FIG4: variants seen among roughly 807,000 people sequenced by gnomAD.
The protein encoded by FIG4 is FIG4 phosphoinositide 5-phosphatase.
Under a neutral mutation model 118.6 loss-of-function variants are expected in FIG4, and 112 were observed. The ratio of observed to expected loss-of-function variants is 0.94; its 90% confidence interval spans 0.81 to 1.11. The LOEUF is 1.11. Ranked by LOEUF, FIG4 falls within the 50% of genes least tolerant of loss-of-function variation. The pLI, the probability that FIG4 is intolerant of heterozygous loss-of-function variation, is 0.00. For synonymous variants in FIG4, 369 were observed against 381.2 expected, an observed-to-expected ratio of 0.97 and a Z score of 0.37; for missense variants, 969 against 1,111.7, an observed-to-expected ratio of 0.87 and a Z score of 1.83.
intron 10 of FIG4, among the ~76,000 whole-genome samples, chr6:109,754,943 C>G (rs546956100): frequency 1.3e-5 from 2 of 152,066 alleles, no homozygotes; most frequent in Non-Finnish European, 2.9e-5. Context: ...TCCTTCAGTT[C>G]TGCTCTGATT....
chr6:109,773,646 T>A (rs1777532058), intron 15 of FIG4, among the ~76,000 whole-genome samples: 1 of 152,174 alleles, frequency 6.6e-6, no homozygotes, highest in African/African-American at 2.4e-5. Context: ...TCCACTGTTA[T>A]CTGGATGGCT....
At chr6:109,801,118 T>C (rs1037770945) in intron 22 of FIG4, among the ~76,000 whole-genome samples, 1 of 152,212 alleles carries the variant, frequency 6.6e-6, no homozygotes, top group African/African-American at 2.4e-5. Context: ...TTTTCTATGG[T>C]TCACCTATTC....
intron 1 of FIG4, among the ~76,000 whole-genome samples, chr6:109,713,388 G>T (rs889013970): frequency 2.6e-5 from 4 of 152,202 alleles, no homozygotes; most frequent in Non-Finnish European, 2.9e-5. Flanking sequence ...CAGGGCACTG[G>T]TAGGTGCAGG....
At chr6:109,701,917 A>G (rs540228922) in intron 1 of FIG4, among the ~76,000 whole-genome samples, 1 of 152,298 alleles carries the variant, frequency 6.6e-6, no homozygotes, top group South Asian at 2.1e-4. Context: ...TTGTTTCTAC[A>G]GAGGATTTGA....
chr6:109,792,629 T>A lies in FIG4; in HGVS notation c.2424T>A (p.Asp808Glu), dbSNP rs1778167307. ...AGCTATATGGAATTAACCTCTCAGA[T>A]GGCCTCTCAGAAGAAGATTTCTCCA... ...MKELYGINLS[D>E]GLSEEDFSIY... Residue 808 changes from aspartate (D) to glutamate (E), a missense_variant, in exon 21 of 23, where the codon GAT becomes GAA. Around this residue, in one of 3 missense-constraint regions of FIG4, gnomAD observed 330 missense variants for 348.1 expected, o/e 0.95. Transcript: ENST00000230124. 2 of 1,602,674 alleles carry A rather than the reference T, an allele frequency of 1.2e-6. No individual in the cohort carries two copies. The highest frequency in any genetic ancestry group is 1.7e-6 in the Non-Finnish European group (2 of 1,170,098).
At chr6:109,806,484 TGTG>T (rs757966810) in intron 22 of FIG4, among the ~76,000 whole-genome samples, 4 of 150,322 alleles carry the variant, frequency 2.7e-5, no homozygotes, top group Non-Finnish European at 5.9e-5. Flanking sequence ...CACACACGAG[TGTG>T]TGTGTGTGTG....
intron 15 of FIG4, among the ~76,000 whole-genome samples, chr6:109,769,069 TA>T (rs2128393120): frequency 6.6e-6 from 1 of 151,688 alleles, no homozygotes; most frequent in South Asian, 2.1e-4. Flanking sequence ...GTCCCTGTAA[TA>T]GGGGTCATTA....
intron 2 of FIG4, among the ~76,000 whole-genome samples, chr6:109,716,188 A>G (rs1408770681): frequency 6.6e-6 from 1 of 152,172 alleles, no homozygotes; most frequent in Non-Finnish European, 1.5e-5. Context: ...GATCCCTTAA[A>G]TCTCTGCATC....
chr6:109,811,889 A>C (rs1321154882), intron 22 of FIG4, among the ~76,000 whole-genome samples: 1 of 152,132 alleles, frequency 6.6e-6, no homozygotes, highest in Non-Finnish European at 1.5e-5. Flanking sequence ...GAGAACATAC[A>C]CAAAAGACCA....
Position 109,764,528 on chromosome 6 carries a change from G to A in FIG4, c.1435-485G>A, listed in dbSNP as rs545467369. Among the ~76,000 whole-genome samples the A allele has an allele frequency of 3.9e-5, 6 of 151,962 alleles. No homozygotes were observed. In the South Asian group the frequency reaches 1.2e-3, roughly 32 times the overall value. On this transcript the variant is annotated intron_variant, in intron 13 of 22. Coordinates refer to ENST00000230124, the MANE Select transcript of FIG4 (RefSeq NM_014845.6). ...ATATTAAATGTTATTACTGGAAATA[G>A]AAACACAAACAAGAACATGAAAAGA...
In FIG4 at chr6:109,701,915, A is replaced by G. The variant is rs574793344; in HGVS notation, c.66+10414A>G. 4.6e-5 allele frequency among the ~76,000 whole-genome samples: 7 copies of G among 152,282 alleles called. No homozygotes were observed. In the East Asian group the frequency reaches 5.8e-4, roughly 13 times the overall value. ...GGAGGTGACATTCACATTTGTTTCT[A>G]CAGAGGATTTGAAGCTTCCCCAGAG... is the stretch of plus-strand genomic sequence containing the variant. On this transcript the variant is annotated intron_variant, in intron 1 of 22. Coordinates refer to ENST00000230124, the MANE Select transcript of FIG4 (RefSeq NM_014845.6).
chr6:109,807,792 T>C (rs2128400035), intron 22 of FIG4, among the ~76,000 whole-genome samples: 1 of 152,316 alleles, frequency 6.6e-6, no homozygotes, highest in South Asian at 2.1e-4. Context: ...GTATAAGGTG[T>C]AAGGAAGGGG....
chr6:109,735,570 C>T (rs2128385734), intron 6 of FIG4, among the ~76,000 whole-genome samples: 1 of 152,198 alleles, frequency 6.6e-6, no homozygotes, highest in African/African-American at 2.4e-5. Flanking sequence ...CAAGCCTAGA[C>T]TTTTACATGG....
chr6:109,733,963 T>C (rs939812945), intron 5 of FIG4, among the ~76,000 whole-genome samples: 11 of 151,986 alleles, frequency 7.2e-5, no homozygotes, highest in Admixed American at 6.6e-4. Context: ...TAATATATTC[T>C]TAAGACTCTC....
intron 2 of FIG4, 84 bp downstream of exon 2, chr6:109,715,260 A>T (rs1583641686): frequency 2.8e-6 from 2 of 707,144 alleles, no homozygotes; most frequent in Admixed American, 2.4e-5. Flanking sequence ...GTTTTTAGTG[A>T]TATATTATTT....
chr6:109,696,155 C>A (rs1439051933), intron 1 of FIG4, among the ~76,000 whole-genome samples: 2 of 152,186 alleles, frequency 1.3e-5, no homozygotes, highest in Non-Finnish European at 2.9e-5. Flanking sequence ...CACCCTTCTT[C>A]CACCCAAGTT....
chr6:109,755,722 G>A (rs889979051), intron 10 of FIG4, among the ~76,000 whole-genome samples: 1 of 152,044 alleles, frequency 6.6e-6, no homozygotes, highest in African/African-American at 2.4e-5. Flanking sequence ...ATCTTTGTTG[G>A]TTTCAAATCT....
intron 2 of FIG4, among the ~76,000 whole-genome samples, chr6:109,716,104 G>A (rs142194893): frequency 1.3e-5 from 2 of 152,192 alleles, no homozygotes; most frequent in East Asian, 1.9e-4. Flanking sequence ...GGGCCTTCTC[G>A]TTAAAGATGC....
intron 22 of FIG4, 135 bp downstream of exon 22, chr6:109,796,986 AC>A: frequency 3.0e-6 from 2 of 669,440 alleles, no homozygotes; most frequent in Non-Finnish European, 5.4e-6. Context: ...TCCTTGTGGT[AC>A]CTTACTTGAG....
Sources: allele counts gnomAD v4.1 joint callset (sites outside exome capture counted in the v4.1 genomes callset), GRCh38; gene constraint gnomAD v4.1.1; regional missense constraint gnomAD v4.1.1; transcripts MANE v1.5; gene names NCBI Gene and HGNC (gene_info 2026-07-23, HGNC 2026-07-21).